Variants in GLOD4 observed in about 807,000 individuals in gnomAD.
GLOD4 encodes the protein glyoxalase domain-containing protein 4.
A neutral mutation model predicts 39.1 loss-of-function variants in GLOD4; 44 were observed. The ratio of observed to expected loss-of-function variants is 1.13; its 90% CI spans 0.88 to 1.45. The LOEUF (loss-of-function observed/expected upper bound fraction) is 1.45, where lower values mean the gene tolerates loss of function less well. Ranked by LOEUF, GLOD4 falls within the 40% of genes most tolerant of loss-of-function variation. The pLI, the probability that GLOD4 is intolerant of heterozygous loss-of-function variation, is 0.00. For missense variants in GLOD4, 405 were observed against 366.4 expected (o/e 1.11, Z -0.86); for synonymous variants, 145 against 135.0 (o/e 1.07, Z -0.52).
At chr17:774,418 A>G (rs1226042963) in intron 4 of GLOD4, among the ~76,000 whole-genome samples, 10 of 152,212 alleles carry the variant, frequency 6.6e-5, no homozygotes, top group Admixed American at 4.6e-4. Context: ...ATTCGCCAGC[A>G]TTTTCCCCGT....
chr17:770,056 A>G lies in GLOD4; in HGVS notation c.732T>C (p.Ile244=), dbSNP rs113617081. 36 of 1,607,302 alleles carry G rather than the reference A, an allele frequency of 2.2e-5. No individual in the cohort carries two copies. In the South Asian group the frequency reaches 3.3e-4, roughly 15 times the overall value. Residue 244 remains isoleucine, a synonymous_variant, in exon 7 of 9, where the codon ATT becomes ATC. Coordinates refer to ENST00000301329, the MANE Select transcript of GLOD4 (RefSeq NM_016080.4). ...TPGKATVQVV[I]LADPDGHEIC... Reference sequence around the variant, plus strand: ...GAGAAATACTTACAGGGTCGGCCAGAATGACCACCTGTACTGTTGCTTTCC... The same window carrying G: ...GAGAAATACTTACAGGGTCGGCCAGGATGACCACCTGTACTGTTGCTTTCC...
At chr17:760,397 A>C (rs78312438) in intron 8 of GLOD4, among the ~76,000 whole-genome samples, 159 bp from the exon 9 acceptor site, 1 of 152,172 alleles carries the variant, frequency 6.6e-6, no homozygotes, top group Non-Finnish European at 1.5e-5. Context: ...AATAAAAAAA[A>C]TTTTTTAACA....
intron 4 of GLOD4, among the ~76,000 whole-genome samples, chr17:772,204 A>C (rs1224418580): frequency 6.6e-6 from 1 of 151,244 alleles, no homozygotes; most frequent in East Asian, 1.9e-4. Context: ...AAAAAAAAAA[A>C]AAAAACAAAG....
intron 8 of GLOD4, chr17:764,456 T>C (rs890392726): frequency 3.9e-5 from 6 of 151,978 alleles, no homozygotes; most frequent in African/African-American, 1.5e-4. Context: ...GATGACTGTT[T>C]GACACTTTCT....
At chr17:766,147 A>C (rs183547564) in intron 8 of GLOD4, among the ~76,000 whole-genome samples, 1 of 151,688 alleles carries the variant, frequency 6.6e-6, no homozygotes, top group African/African-American at 2.4e-5. Context: ...AAAATACAAA[A>C]ATTAGCCAGG....
At chr17:773,172 G>A (rs1165560672) in intron 4 of GLOD4, among the ~76,000 whole-genome samples, 1 of 152,082 alleles carries the variant, frequency 6.6e-6, no homozygotes, top group Non-Finnish European at 1.5e-5. Flanking sequence ...ACATTTCTGG[G>A]CAATAGTTTG....
At chr17:764,717 AT>A (rs1906137618) in intron 8 of GLOD4, 1 of 152,186 alleles carries the variant, frequency 6.6e-6, no homozygotes, top group Non-Finnish European at 1.5e-5. Context: ...TCTCAAAACC[AT>A]GTTGAGTAGG....
intron 2 of GLOD4, 55 bp from the exon 3 acceptor site, chr17:777,043 A>AC: frequency 6.3e-7 from 1 of 1,581,416 alleles, no homozygotes; most frequent in Non-Finnish European, 8.7e-7. Flanking sequence ...GCCTCAGGCC[A>AC]CCCCCAGAGA....
At chr17:784,196 A>C (rs191756059), upstream of GLOD4, among the ~76,000 whole-genome samples, 1 of 152,342 alleles carries the variant, frequency 6.6e-6, no homozygotes, top group East Asian at 1.9e-4. Context: ...TTGACATGGG[A>C]GTTTTAAGAT....
chr17:782,562 C>T (rs781625485), upstream of GLOD4: 3 of 1,613,938 alleles, frequency 1.9e-6, no homozygotes, highest in African/African-American at 4.0e-5. Context: ...CCGCAAGGCA[C>T]CATCTGAGGC....
intron 8 of GLOD4, among the ~76,000 whole-genome samples, chr17:765,611 C>T (rs1429849906): frequency 3.4e-5 from 5 of 148,754 alleles, no homozygotes; most frequent in Non-Finnish European, 1.5e-5. Context: ...GGGTGGATCA[C>T]CTGAGGTCAG....
intron 8 of GLOD4, among the ~76,000 whole-genome samples, chr17:762,370 G>A (rs1905611758): frequency 6.6e-6 from 1 of 151,944 alleles, no homozygotes; most frequent in African/African-American, 2.4e-5. Context: ...AGGGCGCAGA[G>A]GAAGAAAAAG....
intron 8 of GLOD4, among the ~76,000 whole-genome samples, chr17:766,132 T>C (rs990404488): frequency 6.6e-6 from 1 of 151,118 alleles, no homozygotes; most frequent in Admixed American, 6.6e-5. Flanking sequence ...ACCCCATCTC[T>C]AGAAAAAATA....
intron 8 of GLOD4, among the ~76,000 whole-genome samples, chr17:761,645 C>T (rs1006750854): frequency 6.6e-6 from 1 of 152,170 alleles, no homozygotes; most frequent in Admixed American, 6.5e-5. Context: ...GCTGGGATTA[C>T]AGGCGTACAC....
In GLOD4 at chr17:769,987, A is replaced by C; in HGVS notation, c.745-32T>G. On this transcript the variant is annotated intron_variant, in intron 7 of 8. Transcript: ENST00000301329. ...CAATAAAGAGAAAAGACACCTGCCAAAGACATCCTTGAAGAAACCCCTGGT... is the reference window on the plus strand; with the variant it reads ...CAATAAAGAGAAAAGACACCTGCCACAGACATCCTTGAAGAAACCCCTGGT... 6 of 1,570,424 alleles carry C rather than the reference A, an allele frequency of 3.8e-6. 1 individual carries two copies. The South Asian group carries it at 5.5e-5, about 15-fold the overall frequency.
chr17:783,303 C>T, upstream of GLOD4: 1 of 1,613,520 alleles, frequency 6.2e-7, no homozygotes, highest in Non-Finnish European at 8.5e-7. Context: ...TTGGTCCGAC[C>T]TCGTAACGCC....
chr17:764,528 C>G (rs904231822), intron 8 of GLOD4: 4 of 152,064 alleles, frequency 2.6e-5, no homozygotes, highest in African/African-American at 7.2e-5. Context: ...CATCTATCTA[C>G]AAGAAGATTT....
At chr17:775,227 T>C (rs999610211) in intron 4 of GLOD4, among the ~76,000 whole-genome samples, 35 of 150,420 alleles carry the variant, frequency 2.3e-4, no homozygotes, top group Admixed American at 2.1e-3. Context: ...GCAGAGATCA[T>C]GCCAGTACAC....
At position 770,478 on chromosome 17, in the gene GLOD4, A is replaced by T; in HGVS notation, c.573T>A (p.Gly191=). ...QCKLELQGVK[G]GVDHAAAFGR... is the part of the protein sequence containing the mutation. ...CAAAAGCTGCTGCATGGTCCACCCC[A>T]CCCTTGACGCCCTGTAGCTCCAGCT... The change falls in exon 6 of 9, where the codon GGT becomes GGA. Residue 191 remains glycine, a synonymous_variant. Transcript: ENST00000301329. 1 of 1,589,482 alleles carries T rather than the reference A, an allele frequency of 6.3e-7. No individual in the cohort carries two copies. Among genetic ancestry groups the T allele is most frequent in the African/African-American group, 1.3e-5 (1 of 74,542 alleles).
Sources: allele counts gnomAD v4.1 joint callset (sites outside exome capture counted in the v4.1 genomes callset), GRCh38; gene constraint gnomAD v4.1.1; transcripts MANE v1.5; gene names NCBI Gene and HGNC (gene_info 2026-07-23, HGNC 2026-07-21).